SRBD1: variants seen among roughly 807,000 people sequenced by gnomAD.
The protein encoded by SRBD1 is S1 RNA-binding domain-containing protein 1.
Under a neutral mutation model 115.3 loss-of-function variants are expected in SRBD1, and 88 were observed. The observed-to-expected ratio is 0.76, with a 90% CI of 0.64 to 0.91. The LOEUF (loss-of-function observed/expected upper bound fraction) is 0.91, where lower values mean the gene tolerates loss of function less well. Among genes scored for constraint, SRBD1 ranks in the 40% least tolerant of loss-of-function variants. SRBD1 has a pLI of 0.00. For missense variants in SRBD1, 1,385 were observed against 1,177.4 expected (o/e 1.18, Z -2.58); for synonymous variants, 509 against 407.7 (o/e 1.25, Z -2.99).
intron 14 of SRBD1, among the ~76,000 whole-genome samples, chr2:45,541,789 C>T (rs1365205274): frequency 6.6e-6 from 1 of 152,240 alleles, no homozygotes. Flanking sequence ...GTGGGTGGCT[C>T]CTTCCCATAG....
intron 4 of SRBD1, among the ~76,000 whole-genome samples, chr2:45,589,944 A>G (rs748983882): frequency 2.0e-5 from 3 of 152,226 alleles, no homozygotes; most frequent in Non-Finnish European, 2.9e-5. Flanking sequence ...ACAGAAGTGT[A>G]TATACATTGT....
chr2:45,584,863 G>A (rs1168360648), intron 5 of SRBD1, among the ~76,000 whole-genome samples: 1 of 152,040 alleles, frequency 6.6e-6, no homozygotes, highest in Non-Finnish European at 1.5e-5. Flanking sequence ...AAAAGTATGG[G>A]AAAAAGGCTG....
intron 16 of SRBD1, among the ~76,000 whole-genome samples, chr2:45,458,398 A>T (rs1054184961): frequency 6.6e-6 from 1 of 152,190 alleles, no homozygotes; most frequent in Non-Finnish European, 1.5e-5. Context: ...AGCATAAGCC[A>T]GACTGAAAGT....
At chr2:45,431,830 C>T (rs1668347573) in intron 16 of SRBD1, among the ~76,000 whole-genome samples, 1 of 151,906 alleles carries the variant, frequency 6.6e-6, no homozygotes, top group Non-Finnish European at 1.5e-5. Context: ...AAACATCCTA[C>T]AAGAAAAAAG....
intron 9 of SRBD1, among the ~76,000 whole-genome samples, chr2:45,569,823 A>T (rs1426636328): frequency 1.3e-5 from 2 of 152,272 alleles, no homozygotes; most frequent in African/African-American, 4.8e-5. Flanking sequence ...ACAGCAGAGC[A>T]ACATATTCAA....
chr2:45,457,163 A>T (rs979606506), intron 16 of SRBD1, among the ~76,000 whole-genome samples: 3 of 151,940 alleles, frequency 2.0e-5, no homozygotes. Flanking sequence ...ACATCGCCTA[A>T]TACTCCTCCC....
intron 14 of SRBD1, among the ~76,000 whole-genome samples, chr2:45,539,566 G>A (rs1402900176): frequency 2.6e-5 from 4 of 152,178 alleles, no homozygotes; most frequent in African/African-American, 9.7e-5. Context: ...TCAGTCACGG[G>A]CTGATGTAGC....
At chr2:45,464,645 G>T (rs1017862808) in intron 16 of SRBD1, among the ~76,000 whole-genome samples, 1 of 152,116 alleles carries the variant, frequency 6.6e-6, no homozygotes, top group African/African-American at 2.4e-5. Flanking sequence ...TGTTAACGAG[G>T]CCTTCACAAG....
chr2:45,547,660 G>C, intron 12 of SRBD1, 48 bp from the exon 13 acceptor site: 1 of 1,465,498 alleles, frequency 6.8e-7, no homozygotes, highest in East Asian at 2.3e-5. Context: ...ATTACAAAGT[G>C]AAACACATGA....
At chr2:45,514,371 A>G (rs190893949) in intron 14 of SRBD1, among the ~76,000 whole-genome samples, 1 of 152,266 alleles carries the variant, frequency 6.6e-6, no homozygotes, top group African/African-American at 2.4e-5. Context: ...ACCAGTTCTA[A>G]ATAATGCAAA....
At chr2:45,467,061 TA>T (rs916292789) in intron 16 of SRBD1, among the ~76,000 whole-genome samples, 33 of 152,206 alleles carry the variant, frequency 2.2e-4, no homozygotes, top group Admixed American at 1.3e-4. Flanking sequence ...CCCAGGCCAA[TA>T]AAACACAGAC....
At position 45,580,088 on chromosome 2, in the gene SRBD1, G is replaced by A. The variant is rs1280131044; in HGVS notation, c.934-75C>T. 5.6e-6 allele frequency: 7 copies of A among 1,253,508 alleles called. No individual in the cohort carries two copies. In the South Asian group the frequency reaches 1.0e-4, roughly 18 times the overall value. The allele number at this position is 1,253,508 out of a possible 1,614,324, so 77.6% of individuals were successfully genotyped here. On this transcript the variant is annotated intron_variant, in intron 6 of 20. Coordinates refer to ENST00000263736, the MANE Select transcript of SRBD1 (RefSeq NM_018079.5). ...GTTAAAACTAGGTTACAAAATTAGAGGACATGCTGAGAATGCTAAAGAAAT... is the reference window on the plus strand; with the variant it reads ...GTTAAAACTAGGTTACAAAATTAGAAGACATGCTGAGAATGCTAAAGAAAT...
intron 16 of SRBD1, among the ~76,000 whole-genome samples, chr2:45,422,619 A>G (rs1396160757): frequency 6.6e-6 from 1 of 152,254 alleles, no homozygotes; most frequent in Non-Finnish European, 1.5e-5. Flanking sequence ...GGTCAGGAAT[A>G]GGTATTTGGT....
chr2:45,562,782 T>A (rs369010809), intron 9 of SRBD1, 26 bp from the exon 10 acceptor site: 1 of 1,491,710 alleles, frequency 6.7e-7, no homozygotes, highest in South Asian at 1.2e-5. Context: ...AGGCAAAGAC[T>A]AATAATCCAC....
At chr2:45,609,740 A>G (rs1674385804) in intron 1 of SRBD1, among the ~76,000 whole-genome samples, 1 of 152,182 alleles carries the variant, frequency 6.6e-6, no homozygotes, top group Non-Finnish European at 1.5e-5. Context: ...TTAACATTTC[A>G]GGCCTAAAAT....
At chr2:45,542,419 T>A (rs996178196) in intron 14 of SRBD1, among the ~76,000 whole-genome samples, 9 of 152,176 alleles carry the variant, frequency 5.9e-5, no homozygotes, top group African/African-American at 2.2e-4. Flanking sequence ...CAGCTGCAAC[T>A]GCGCCCAGGA....
intron 14 of SRBD1, among the ~76,000 whole-genome samples, chr2:45,497,927 A>G (rs956963902): frequency 2.0e-5 from 3 of 152,032 alleles, no homozygotes; most frequent in African/African-American, 7.2e-5. Context: ...CCAGCTACTC[A>G]GGAGGCTGAG....
intron 14 of SRBD1, among the ~76,000 whole-genome samples, chr2:45,545,440 T>C (rs1292414390): frequency 1.3e-5 from 2 of 152,044 alleles, no homozygotes; most frequent in Non-Finnish European, 2.9e-5. Flanking sequence ...ACATCTTCAC[T>C]ACTTAATATT....
intron 19 of SRBD1, among the ~76,000 whole-genome samples, chr2:45,399,074 C>T (rs1036530851): frequency 6.6e-6 from 1 of 151,520 alleles, no homozygotes; most frequent in Non-Finnish European, 1.5e-5. Context: ...CAAAAGAGAA[C>T]CAGAAAAAAA....
Sources: gnomAD v4.1 joint callset for allele counts (sites outside exome capture counted in the v4.1 genomes callset) on GRCh38, gnomAD v4.1.1 for gene constraint, MANE v1.5 for transcripts, NCBI Gene and HGNC (gene_info 2026-07-23, HGNC 2026-07-21) for gene names.